ATRNL1: variants seen among roughly 807,000 people sequenced by gnomAD.
ATRNL1 encodes attractin like 1, also known as attractin-like protein 1.
ATRNL1 carries 95 observed loss-of-function variants against 182.7 expected under a neutral mutation model. The ratio of observed to expected loss-of-function variants is 0.52; its 90% CI spans 0.44 to 0.62. The LOEUF is 0.62. ATRNL1 is among the 20% of genes least tolerant of loss of function. ATRNL1 has a pLI of 0.00. For synonymous variants in ATRNL1, 576 were observed against 568.3 expected (o/e 1.01, Z -0.19); for missense variants, 1,471 against 1,679.5 (o/e 0.88, Z 2.17).
intron 23 of ATRNL1, among the ~76,000 whole-genome samples, chr10:115,468,415 T>A: frequency 6.6e-6 from 1 of 150,832 alleles, no homozygotes; most frequent in East Asian, 1.9e-4. Flanking sequence ...CTGCATTTAA[T>A]AAATGTACAC....
intron 27 of ATRNL1, among the ~76,000 whole-genome samples, chr10:115,786,771 C>T (rs1377925624): frequency 6.6e-6 from 1 of 152,144 alleles, no homozygotes; most frequent in African/African-American, 2.4e-5. Context: ...GGTGACAAGA[C>T]ACTAATATTA....
intron 15 of ATRNL1, among the ~76,000 whole-genome samples, chr10:115,294,467 A>G (rs1853080182): frequency 6.6e-6 from 1 of 151,818 alleles, no homozygotes; most frequent in Non-Finnish European, 1.5e-5. Context: ...CTGTTGTTGA[A>G]TTTTTCTTCC....
chr10:115,108,642 A>G (rs1283035488), intron 1 of ATRNL1, among the ~76,000 whole-genome samples: 1 of 152,154 alleles, frequency 6.6e-6, no homozygotes, highest in Admixed American at 6.5e-5. Flanking sequence ...TCCTTACAAT[A>G]CACATGGCTG....
chr10:115,884,020 T>C (rs1223735308), intron 28 of ATRNL1, among the ~76,000 whole-genome samples: 2 of 152,222 alleles, frequency 1.3e-5, no homozygotes, highest in African/African-American at 4.8e-5. Context: ...TGCGTGCATT[T>C]AGATATGGGC....
intron 3 of ATRNL1, 120 bp downstream of exon 3, chr10:115,121,932 T>A (rs2143636193): frequency 2.1e-6 from 1 of 484,912 alleles, no homozygotes; most frequent in East Asian, 3.5e-5. Context: ...ATTTCACAGA[T>A]GATTATAATA....
rs531063160 is a variant in ATRNL1, at chr10:115,275,640, G to C, written c.2101-5715G>C. On this transcript the variant is annotated intron_variant, in intron 13 of 28. Coordinates refer to ENST00000355044, the MANE Select transcript of ATRNL1 (RefSeq NM_207303.4). ...TTGCATTTATGTTTCCCAATTCAGT[G>C]GCTGCACTTCCCACTGCAAGGCTGG... Among the ~76,000 whole-genome samples, 91 of 152,230 alleles carry C rather than the reference G, an allele frequency of 6.0e-4. 1 individual carries two copies. Among genetic ancestry groups the C allele is most frequent in the African/African-American group, 2.0e-3 (82 of 41,550 alleles).
At chr10:115,525,875 C>A (rs1851185711) in intron 25 of ATRNL1, among the ~76,000 whole-genome samples, 1 of 152,148 alleles carries the variant, frequency 6.6e-6, no homozygotes, top group African/African-American at 2.4e-5. Context: ...TAAATCTGGT[C>A]ATACTTCCAT....
Position 115,945,444 on chromosome 10 carries a change from C to T in ATRNL1, c.*665C>T, listed in dbSNP as rs578059882. On this transcript the variant is annotated 3_prime_UTR_variant, in exon 29 of 29. Transcript: ENST00000355044. ...AGAATGCTCAGTGTAGAGGACATTC[C>T]TGTCATCCATGCCAACTACCTAACT... is the stretch of plus-strand genomic sequence containing the variant. The T allele has an allele frequency of 2.8e-4, 43 of 152,218 alleles. No homozygotes were observed. Among genetic ancestry groups the T allele is most frequent in the African/African-American group, 8.7e-4 (36 of 41,522 alleles). The allele number at this position is 152,218 out of a possible 1,614,324, so 9.4% of individuals were successfully genotyped here.
At chr10:115,735,659 G>C (rs1269419198) in intron 27 of ATRNL1, among the ~76,000 whole-genome samples, 1 of 152,162 alleles carries the variant, frequency 6.6e-6, no homozygotes, top group Non-Finnish European at 1.5e-5. Flanking sequence ...CAAGTACTAT[G>C]ATACTACAAA....
At chr10:115,436,324 A>G (rs1379206273) in intron 21 of ATRNL1, among the ~76,000 whole-genome samples, 4 of 152,120 alleles carry the variant, frequency 2.6e-5, no homozygotes, top group African/African-American at 7.2e-5. Context: ...AAAATCCCAT[A>G]AATTAGAAAA....
intron 21 of ATRNL1, among the ~76,000 whole-genome samples, chr10:115,456,714 A>T (rs1323345604): frequency 6.6e-6 from 1 of 152,126 alleles, no homozygotes; most frequent in African/African-American, 2.4e-5. Context: ...CCCTGTCTTT[A>T]CTTCATCCTC....
chr10:115,107,703 C>T (rs986549564), intron 1 of ATRNL1, among the ~76,000 whole-genome samples: 3 of 152,222 alleles, frequency 2.0e-5, no homozygotes, highest in South Asian at 4.1e-4. Flanking sequence ...TTGAGGTAGC[C>T]GCATCTCCAC....
intron 12 of ATRNL1, among the ~76,000 whole-genome samples, chr10:115,267,971 G>A (rs11197142): frequency 0.018 from 2,751 of 152,054 alleles, 83 homozygotes; most frequent in African/African-American, 0.062. Flanking sequence ...ATGTTGGCCA[G>A]GCTTGTCTTG....
intron 5 of ATRNL1, among the ~76,000 whole-genome samples, chr10:115,144,212 A>G (rs1227163456): frequency 6.6e-6 from 1 of 151,608 alleles, no homozygotes; most frequent in East Asian, 1.9e-4. Context: ...CAGTGGCGCG[A>G]TCTCGGCTCA....
At chr10:115,415,786 CA>C (rs531998269) in intron 20 of ATRNL1, among the ~76,000 whole-genome samples, 279 of 151,928 alleles carry the variant, frequency 1.8e-3, no homozygotes, top group African/African-American at 6.3e-3. Context: ...CAATAGCTAT[CA>C]AGTTGTCTTA....
intron 13 of ATRNL1, among the ~76,000 whole-genome samples, chr10:115,270,260 TTATA>T (rs1444064260): frequency 2.0e-5 from 3 of 146,360 alleles, no homozygotes; most frequent in African/African-American, 7.4e-5. Flanking sequence ...ATATATTTGT[TTATA>T]TATTATATAT....
chr10:115,909,112 T>C (rs896420220), intron 28 of ATRNL1, among the ~76,000 whole-genome samples: 1 of 152,188 alleles, frequency 6.6e-6, no homozygotes. Context: ...GAAATAATAA[T>C]GTACACAGCT....
chr10:115,699,949 C>G (rs1565298871), intron 26 of ATRNL1, among the ~76,000 whole-genome samples: 2 of 152,118 alleles, frequency 1.3e-5, no homozygotes, highest in Admixed American at 1.3e-4. Flanking sequence ...ATTTGGTTTT[C>G]TGTTCCTATG....
At chr10:115,488,476 C>T (rs182951184) in intron 24 of ATRNL1, among the ~76,000 whole-genome samples, 54 of 152,214 alleles carry the variant, frequency 3.5e-4, no homozygotes, top group African/African-American at 1.3e-3. Context: ...AGGAATTTAT[C>T]CATTTCTTCT....
Sources: gnomAD v4.1 joint callset for allele counts (sites outside exome capture counted in the v4.1 genomes callset) on GRCh38, gnomAD v4.1.1 for gene constraint, MANE v1.5 for transcripts, NCBI Gene and HGNC (gene_info 2026-07-23, HGNC 2026-07-21) for gene names.